ZNF407: variants seen among roughly 807,000 people sequenced by gnomAD.
ZNF407 encodes zinc finger protein 407.
In ZNF407, 17 loss-of-function variants were observed where a neutral mutation model predicts 131.2. The ratio of observed to expected loss-of-function variants is 0.13; its 90% CI spans 0.09 to 0.19. ZNF407 has a LOEUF of 0.19. Among genes scored for constraint, ZNF407 ranks in the 10% least tolerant of loss-of-function variants. The pLI, the probability that ZNF407 is intolerant of heterozygous loss-of-function variation, is 1.00. For missense variants in ZNF407, 2,681 were observed against 2,830.6 expected (o/e 0.95, Z 1.20); for synonymous variants, 1,156 against 1,062.0 (o/e 1.09, Z -1.72).
At chr18:74,663,229 G>A (rs556736488) in intron 3 of ZNF407, among the ~76,000 whole-genome samples, 46 of 152,236 alleles carry the variant, frequency 3.0e-4, no homozygotes, top group African/African-American at 1.1e-3. Context: ...CATTTTAGAT[G>A]CTTGTCCCCG....
At chr18:74,623,146 A>C (rs1599137528) in intron 1 of ZNF407, among the ~76,000 whole-genome samples, 1 of 58,128 alleles carries the variant, frequency 1.7e-5, no homozygotes, top group Non-Finnish European at 4.0e-5. Flanking sequence ...GTCCGTGTGA[A>C]TGTGTGAGTG....
chr18:74,689,028 C>G (rs557198444), intron 3 of ZNF407, among the ~76,000 whole-genome samples: 1 of 152,112 alleles, frequency 6.6e-6, no homozygotes, highest in South Asian at 2.1e-4. Flanking sequence ...GGGTTTCACC[C>G]TGTTGGCCAG....
intron 8 of ZNF407, among the ~76,000 whole-genome samples, chr18:74,959,174 T>G (rs949060694): frequency 6.6e-6 from 1 of 152,210 alleles, no homozygotes; most frequent in African/African-American, 2.4e-5. Flanking sequence ...AGGATAATAT[T>G]TGTGTTTCTT....
chr18:74,854,755 T>A (rs903448255), intron 4 of ZNF407, among the ~76,000 whole-genome samples: 1 of 152,058 alleles, frequency 6.6e-6, no homozygotes, highest in Non-Finnish European at 1.5e-5. Flanking sequence ...GTATCAAGAA[T>A]AATGACAGAA....
intron 4 of ZNF407, among the ~76,000 whole-genome samples, chr18:74,793,734 T>C (rs1038087314): frequency 2.0e-5 from 3 of 152,216 alleles, no homozygotes; most frequent in Admixed American, 2.0e-4. Flanking sequence ...TTTTAGGAAG[T>C]GTTTTTCTTT....
In ZNF407 at chr18:74,874,691, T is replaced by C. The variant is rs1245940347; in HGVS notation, c.4878-2506T>C. On this transcript the variant is annotated intron_variant, in intron 4 of 8. Transcript: ENST00000299687. Reference sequence around the variant, plus strand: ...GCCACCTCTGGGAAGCCTTCTCTTATCTGCCCTGCCCCACTGTAATTGCTC... The same window carrying C: ...GCCACCTCTGGGAAGCCTTCTCTTACCTGCCCTGCCCCACTGTAATTGCTC... 2.0e-5 allele frequency among the ~76,000 whole-genome samples: 3 copies of C among 152,258 alleles called. No individual in the cohort carries two copies. The East Asian group carries it at 5.8e-4, about 29-fold the overall frequency.
chr18:74,656,615 C>T (rs1019671573), intron 3 of ZNF407, among the ~76,000 whole-genome samples: 11 of 152,040 alleles, frequency 7.2e-5, no homozygotes, highest in African/African-American at 2.7e-4. Context: ...CCTGGCCAGG[C>T]TAAGAACATT....
chr18:74,986,831 T>C (rs1972658146), intron 8 of ZNF407, among the ~76,000 whole-genome samples: 1 of 152,196 alleles, frequency 6.6e-6, no homozygotes, highest in African/African-American at 2.4e-5. Context: ...ACAAAAATCC[T>C]GTTTATTCTT....
At position 74,920,088 on chromosome 18, in the gene ZNF407, G is replaced by A. The variant is rs373149504; in HGVS notation, c.5250-426G>A. ...TAGAGCCCACTTAGAAGCACCTTGC[G>A]TGACAGAACTTAAAAGCCAAAGTGT... On this transcript the variant is annotated intron_variant, in intron 7 of 8. Transcript: ENST00000299687. Among the ~76,000 whole-genome samples, 45 of 152,274 alleles carry A rather than the reference G, an allele frequency of 3.0e-4. No homozygotes were observed. The East Asian group carries it at 3.9e-3, about 13-fold the overall frequency.
At chr18:74,652,610 G>T (rs1985277682) in intron 3 of ZNF407, among the ~76,000 whole-genome samples, 1 of 151,926 alleles carries the variant, frequency 6.6e-6, no homozygotes, top group South Asian at 2.1e-4. Context: ...CTTCTACTGG[G>T]GTAAGTTTTG....
intron 8 of ZNF407, among the ~76,000 whole-genome samples, chr18:75,043,779 G>C (rs944324363): frequency 6.6e-6 from 1 of 152,130 alleles, no homozygotes; most frequent in Non-Finnish European, 1.5e-5. Context: ...TGATAAAAAG[G>C]CTTCACTTGC....
chr18:75,016,733 G>T (rs1973049001), intron 8 of ZNF407, among the ~76,000 whole-genome samples: 1 of 152,056 alleles, frequency 6.6e-6, no homozygotes. Context: ...TTACACTTTT[G>T]TCATCTATTT....
Position 75,064,053 on chromosome 18 carries a change from G to T in ZNF407, c.6332G>T (p.Gly2111Val). The T allele has an allele frequency of 6.3e-7, 1 of 1,595,984 alleles. No homozygotes were observed. The highest frequency in any genetic ancestry group is 8.5e-7 in the Non-Finnish European group (1 of 1,172,096). The change falls in exon 9 of 9, where the codon GGT (glycine) becomes GTT (valine). Residue 2111 changes from glycine to valine, a missense_variant. Physicochemically the swap from Gly to Val is moderately radical, Grantham distance 109. Transcript: ENST00000299687. ...GVTQVVVSEE[G>V]AVHMVAGEGA... ...ACCCAGGTGGTGGTGAGCGAAGAGG[G>T]TGCCGTCCACATGGTCGCCGGGGAG...
chr18:75,050,674 T>C (rs572374509), intron 8 of ZNF407, among the ~76,000 whole-genome samples: 65 of 152,348 alleles, frequency 4.3e-4, no homozygotes, highest in African/African-American at 1.5e-3. Context: ...GGAGTACTTA[T>C]TTTTATTATA....
chr18:74,984,618 A>C (rs574465497), intron 8 of ZNF407, among the ~76,000 whole-genome samples: 10 of 152,348 alleles, frequency 6.6e-5, no homozygotes, highest in African/African-American at 2.4e-4. Flanking sequence ...GTTAATAACC[A>C]ACTATGTGCC....
intron 8 of ZNF407, among the ~76,000 whole-genome samples, chr18:75,024,678 G>A (rs937047264): frequency 1.3e-5 from 2 of 152,212 alleles, no homozygotes; most frequent in Non-Finnish European, 2.9e-5. Flanking sequence ...TGTGGCAGAT[G>A]TTTGCAAATC....
chr18:74,859,381 T>C (rs1277046605), intron 4 of ZNF407, among the ~76,000 whole-genome samples: 1 of 152,148 alleles, frequency 6.6e-6, no homozygotes, highest in Non-Finnish European at 1.5e-5. Context: ...AGCTAAATGT[T>C]AGTATTTAAC....
At chr18:74,954,673 C>T (rs1212348368) in intron 8 of ZNF407, among the ~76,000 whole-genome samples, 1 of 152,056 alleles carries the variant, frequency 6.6e-6, no homozygotes, top group Non-Finnish European at 1.5e-5. Context: ...ATATAACCCA[C>T]ATATTTTTAT....
intron 1 of ZNF407, among the ~76,000 whole-genome samples, chr18:74,607,945 T>A (rs918609896): frequency 1.3e-5 from 2 of 152,236 alleles, no homozygotes; most frequent in African/African-American, 4.8e-5. Context: ...TTATTCCAGC[T>A]TAATCCTTAT....
Sources: allele counts gnomAD v4.1 joint callset (sites outside exome capture counted in the v4.1 genomes callset), GRCh38; gene constraint gnomAD v4.1.1; transcripts MANE v1.5; gene names NCBI Gene and HGNC (gene_info 2026-07-23, HGNC 2026-07-21).